The following SPECC1 variants were observed in gnomAD, a reference collection of about 807,000 sequenced individuals.
SPECC1 encodes the protein sperm antigen with calponin homology and coiled-coil domains 1, also known as cytospin-B.
SPECC1 carries 62 observed loss-of-function variants against 104.1 expected under a neutral mutation model. The observed-to-expected ratio is 0.60, with a 90% confidence interval of 0.49 to 0.74. SPECC1 has a LOEUF of 0.74. SPECC1 is among the 30% of genes least tolerant of loss of function. The probability of loss-of-function intolerance (pLI) is 0.00; values close to 1 mark genes in which losing one functional copy is unlikely to be tolerated. For missense variants in SPECC1, 1,306 were observed against 1,310.5 expected, an observed-to-expected ratio of 1.00 and a Z score of 0.05; for synonymous variants, 513 against 501.6, an observed-to-expected ratio of 1.02 and a Z score of -0.30.
intron 2 of SPECC1, among the ~76,000 whole-genome samples, chr17:20,097,617 A>T (rs2047714495): frequency 6.6e-6 from 1 of 152,210 alleles, no homozygotes. Flanking sequence ...GTTTTGAAAT[A>T]GCAGACACTC....
At chr17:20,053,888 G>T (rs572113517) in intron 1 of SPECC1, among the ~76,000 whole-genome samples, 1 of 152,306 alleles carries the variant, frequency 6.6e-6, no homozygotes, top group Admixed American at 6.5e-5. Context: ...CTGCTAAATG[G>T]TTGTCAGTGA....
At chr17:20,141,343 C>T (rs1285358344) in intron 3 of SPECC1, among the ~76,000 whole-genome samples, 1 of 152,176 alleles carries the variant, frequency 6.6e-6, no homozygotes, top group Non-Finnish European at 1.5e-5. Flanking sequence ...AGCAAGCAGG[C>T]AACTCCTGAG....
In SPECC1 at chr17:20,165,994, A is replaced by G. The variant is rs146955445; in HGVS notation, c.284-38339A>G. On this transcript the variant is annotated intron_variant, in intron 3 of 14. Coordinates refer to ENST00000395527, the MANE Select transcript of SPECC1 (RefSeq NM_001243439.2). ...AATGTTCTCCCATTCTGTAGGTAGCAGTATCCTTCTTGACAGTTAAAACAA... is the reference window on the plus strand; with the variant it reads ...AATGTTCTCCCATTCTGTAGGTAGCGGTATCCTTCTTGACAGTTAAAACAA... 2.6e-3 allele frequency among the ~76,000 whole-genome samples: 391 copies of G among 152,274 alleles called. 3 individuals carry two copies. Among genetic ancestry groups the G allele is most frequent in the African/African-American group, 8.7e-3 (361 of 41,540 alleles).
At chr17:20,034,436 G>A (rs1386829798) in intron 1 of SPECC1, among the ~76,000 whole-genome samples, 3 of 151,768 alleles carry the variant, frequency 2.0e-5, no homozygotes, top group Non-Finnish European at 4.4e-5. Flanking sequence ...CAAACCTACA[G>A]AAAAGTTGAA....
At chr17:20,074,200 G>A (rs1425896901) in intron 1 of SPECC1, among the ~76,000 whole-genome samples, 1 of 152,124 alleles carries the variant, frequency 6.6e-6, no homozygotes, top group East Asian at 1.9e-4. Flanking sequence ...CCCCTTGGAG[G>A]AGATCAGCAC....
intron 4 of SPECC1, among the ~76,000 whole-genome samples, chr17:20,218,213 C>T (rs2703821): frequency 0.71 from 107,735 of 152,070 alleles, 39,961 homozygotes; most frequent in East Asian, 0.99. Context: ...GAATGACTTT[C>T]ATTGACTTTT....
intron 4 of SPECC1, among the ~76,000 whole-genome samples, chr17:20,209,792 C>T (rs950421117): frequency 6.6e-6 from 1 of 152,164 alleles, no homozygotes; most frequent in Non-Finnish European, 1.5e-5. Flanking sequence ...AATAACATGA[C>T]CCAGCTTTAA....
At chr17:20,137,506 CTTT>C (rs1168328704) in intron 3 of SPECC1, among the ~76,000 whole-genome samples, 1 of 152,082 alleles carries the variant, frequency 6.6e-6, no homozygotes, top group African/African-American at 2.4e-5. Flanking sequence ...AAATAATCTT[CTTT>C]AACAGAATAT....
chr17:20,262,256 G>A (rs1239076539), intron 12 of SPECC1, among the ~76,000 whole-genome samples: 6 of 152,130 alleles, frequency 3.9e-5, no homozygotes, highest in South Asian at 2.1e-4. Flanking sequence ...TATGAATAAC[G>A]CTGTTATGTT....
At chr17:20,191,253 AT>A (rs2035649489) in intron 3 of SPECC1, among the ~76,000 whole-genome samples, 2 of 152,186 alleles carry the variant, frequency 1.3e-5, no homozygotes, top group Non-Finnish European at 2.9e-5. Context: ...AAGGAGTGCT[AT>A]TGCTGGATCA....
rs920756039 is a variant in SPECC1 at position 20,159,106 on chromosome 17, G to A, written c.284-45227G>A. Reference sequence around the variant, plus strand: ...ACTGCAGGTGTGCACCACTATGCCCGCCTAATTTTTGTATTTTTAGTAGAG... The same window carrying A: ...ACTGCAGGTGTGCACCACTATGCCCACCTAATTTTTGTATTTTTAGTAGAG... On this transcript the variant is annotated intron_variant, in intron 3 of 14. Transcript: ENST00000395527. Among the ~76,000 whole-genome samples the A allele has an allele frequency of 3.3e-5, 5 of 152,034 alleles. No individual in the cohort carries two copies. The East Asian group carries it at 5.8e-4, about 18-fold the overall frequency.
chr17:20,035,298 T>C (rs1298206812), intron 1 of SPECC1, among the ~76,000 whole-genome samples: 1 of 152,256 alleles, frequency 6.6e-6, no homozygotes, highest in Non-Finnish European at 1.5e-5. Flanking sequence ...CATTTTTGTA[T>C]GATCTTGTCT....
chr17:20,066,921 T>G (rs1420570677), intron 1 of SPECC1, among the ~76,000 whole-genome samples: 2 of 147,922 alleles, frequency 1.4e-5, no homozygotes, highest in Non-Finnish European at 3.0e-5. Flanking sequence ...ATTTTTTTTT[T>G]TTTTTTTTTT....
At chr17:20,196,661 T>C (rs2036054892) in intron 3 of SPECC1, among the ~76,000 whole-genome samples, 1 of 151,628 alleles carries the variant, frequency 6.6e-6, no homozygotes, top group African/African-American at 2.4e-5. Flanking sequence ...GAATTTACCA[T>C]ACCAAGATCT....
At position 20,205,231 on chromosome 17, in the gene SPECC1, T is replaced by C. The variant is rs1207994182; in HGVS notation, c.1182T>C (p.Thr394=). ...HHSTAEELQA[T]LQELSDQQQM... ...GCACTGCAGAAGAACTACAGGCTAC[T>C]CTACAAGAATTATCAGACCAGCAAC... is the stretch of plus-strand genomic sequence containing the variant. Residue 394 remains threonine (T), a synonymous_variant, in exon 4 of 15, where the codon ACT becomes ACC. Transcript: ENST00000395527. 6.2e-7 allele frequency: 1 copy of C among 1,614,114 alleles called. No homozygotes were observed. The highest frequency in any genetic ancestry group is 8.5e-7 in the Non-Finnish European group (1 of 1,180,026).
At chr17:20,274,293 G>A (rs540870226) in intron 12 of SPECC1, among the ~76,000 whole-genome samples, 97 of 152,276 alleles carry the variant, frequency 6.4e-4, no homozygotes, top group Middle Eastern at 6.8e-3. Flanking sequence ...CTCTGCCACA[G>A]GTTGCTGCCG....
chr17:20,211,877 T>C (rs1019641928), intron 4 of SPECC1, among the ~76,000 whole-genome samples: 14 of 152,332 alleles, frequency 9.2e-5, no homozygotes, highest in African/African-American at 2.6e-4. Context: ...TTAATGCCTT[T>C]TGTGAGGTGA....
intron 1 of SPECC1, among the ~76,000 whole-genome samples, chr17:20,055,265 T>A (rs1597623237): frequency 3.2e-5 from 1 of 31,556 alleles, no homozygotes; most frequent in Non-Finnish European, 7.8e-5. Context: ...TAGAATTTCC[T>A]TTTTTTTTTT....
chr17:20,104,129 G>C (rs747617935), intron 2 of SPECC1, among the ~76,000 whole-genome samples: 1 of 152,162 alleles, frequency 6.6e-6, no homozygotes, highest in African/African-American at 2.4e-5. Context: ...TGGTTAGTAC[G>C]ATATTTGACA....
Sources: allele counts gnomAD v4.1 joint callset (sites outside exome capture counted in the v4.1 genomes callset), GRCh38; gene constraint gnomAD v4.1.1; transcripts MANE v1.5; gene names NCBI Gene and HGNC (gene_info 2026-07-23, HGNC 2026-07-21).